The following RALGAPA2 variants were observed in gnomAD, a reference collection of about 807,000 sequenced individuals.
RALGAPA2 encodes ral GTPase-activating protein subunit alpha-2.
Under a neutral mutation model 230.4 loss-of-function variants are expected in RALGAPA2, and 139 were observed. The observed-to-expected ratio is 0.60, with a 90% CI of 0.53 to 0.69. The LOEUF is 0.69. RALGAPA2 is among the 30% of genes least tolerant of loss of function. RALGAPA2 has a pLI of 0.00. For synonymous variants in RALGAPA2, 847 were observed against 837.8 expected, an observed-to-expected ratio of 1.01 and a Z score of -0.19; for missense variants, 2,163 against 2,276.0, an observed-to-expected ratio of 0.95 and a Z score of 1.01.
chr20:20,526,710 C>A (rs948353757), intron 27 of RALGAPA2, among the ~76,000 whole-genome samples: 1 of 152,216 alleles, frequency 6.6e-6, no homozygotes, highest in Admixed American at 6.5e-5. Context: ...CCCCCATACA[C>A]TGAACCTTTT....
intron 37 of RALGAPA2, among the ~76,000 whole-genome samples, chr20:20,434,829 G>C (rs1401442245): frequency 6.6e-6 from 1 of 152,142 alleles, no homozygotes; most frequent in Non-Finnish European, 1.5e-5. Context: ...TTGGTTACTT[G>C]GGAGGATGAG....
intron 3 of RALGAPA2, 65 bp from the exon 4 acceptor site, chr20:20,653,652 A>G: frequency 1.1e-6 from 1 of 947,938 alleles, no homozygotes; most frequent in Non-Finnish European, 1.6e-6. Context: ...TGACAGGCCC[A>G]TATTACTCAC....
chr20:20,555,454 A>G (rs1271943294), intron 23 of RALGAPA2, among the ~76,000 whole-genome samples: 1 of 152,224 alleles, frequency 6.6e-6, no homozygotes, highest in African/African-American at 2.4e-5. Context: ...CATTTCTGCA[A>G]AAACCACCAT....
Position 20,476,674 on chromosome 20 carries a change from A to AAAATAAATAAAT in RALGAPA2, c.5368-3730_5368-3719dup, listed in dbSNP as rs557603048. Among the ~76,000 whole-genome samples, 820 of 139,440 alleles carry AAAATAAATAAAT rather than the reference A, an allele frequency of 5.9e-3. 4 individuals are homozygous for AAAATAAATAAAT. The highest frequency in any genetic ancestry group is 7.9e-3 in the East Asian group (38 of 4,804). 91.5% of individuals were successfully genotyped at this position (139,440 alleles called of 152,430 possible). Reference sequence around the variant, plus strand: ...TTAGGGTACAAAAGGCATAAATCATAAAATAAATAAATAAATAAATAAATA... The same window carrying AAAATAAATAAAT: ...TTAGGGTACAAAAGGCATAAATCATAAAATAAATAAATAAATAAATAAATAAATAAATAAATA... On this transcript the variant is annotated intron_variant, in intron 36 of 39. Coordinates refer to ENST00000202677, the MANE Select transcript of RALGAPA2 (RefSeq NM_020343.4).
intron 13 of RALGAPA2, among the ~76,000 whole-genome samples, chr20:20,615,236 C>G (rs952357315): frequency 5.9e-5 from 9 of 151,334 alleles, no homozygotes; most frequent in Admixed American, 2.6e-4. Context: ...CGCAATCTCA[C>G]TGCAACCTCC....
chr20:20,594,684 T>C (rs1178324253), intron 16 of RALGAPA2, among the ~76,000 whole-genome samples: 1 of 152,094 alleles, frequency 6.6e-6, no homozygotes, highest in Non-Finnish European at 1.5e-5. Flanking sequence ...TTCTCGTCTC[T>C]TGACAGTGTA....
chr20:20,496,844 A>G (rs868521667), intron 35 of RALGAPA2, among the ~76,000 whole-genome samples: 2 of 152,304 alleles, frequency 1.3e-5, no homozygotes, highest in Middle Eastern at 3.4e-3. Context: ...TCACTCTCTC[A>G]TACTTCTGGG....
chr20:20,397,140 C>A (rs2059734947), intron 38 of RALGAPA2, among the ~76,000 whole-genome samples: 1 of 152,216 alleles, frequency 6.6e-6, no homozygotes. Flanking sequence ...ATTTGAAATT[C>A]AATGGATGAC....
intron 1 of RALGAPA2, among the ~76,000 whole-genome samples, chr20:20,697,438 T>C (rs1362142795): frequency 6.6e-6 from 1 of 152,240 alleles, no homozygotes; most frequent in Non-Finnish European, 1.5e-5. Context: ...CAATGTTTTA[T>C]GATTATTAGC....
At chr20:20,484,594 A>C (rs1490018510) in intron 36 of RALGAPA2, among the ~76,000 whole-genome samples, 1 of 152,212 alleles carries the variant, frequency 6.6e-6, no homozygotes, top group African/African-American at 2.4e-5. Context: ...AATATATTTT[A>C]AAGATGGTTC....
In RALGAPA2 at chr20:20,712,223, G is replaced by A. The variant is rs1226454780; in HGVS notation, c.106+152C>T. On this transcript the variant is annotated intron_variant, in intron 1 of 39. Transcript: ENST00000202677. This position sits in a 1 kb window ranked among gnomAD's most constrained non-coding sequence, Gnocchi z 5.5. ...TGCGGCTTTCTGGAAACAAAGCCCC[G>A]GGGGTCCAAGCCCAGATCCAGGGAA... Among the ~76,000 whole-genome samples, 5 of 152,082 alleles carry A rather than the reference G, an allele frequency of 3.3e-5. No homozygotes were observed. Among genetic ancestry groups the A allele is most frequent in the East Asian group, 1.9e-4 (1 of 5,146 alleles).
At chr20:20,412,695 T>G (rs932140698) in intron 37 of RALGAPA2, among the ~76,000 whole-genome samples, 18 of 151,930 alleles carry the variant, frequency 1.2e-4, no homozygotes, top group Admixed American at 1.0e-3. Context: ...CATTGGAAAA[T>G]AAGAACTACT....
chr20:20,437,992 G>A lies in RALGAPA2; in HGVS notation c.5496-25844C>T, dbSNP rs770046645. On this transcript the variant is annotated intron_variant, in intron 37 of 39. Transcript: ENST00000202677. This position sits in a 1 kb window ranked among gnomAD's most constrained non-coding sequence, Gnocchi z 4.1. ...TGACTCCGTGGTTCTTATGAATCCC[G>A]CAAAGAGTGGTTCTTAATATGGGTC... Among the ~76,000 whole-genome samples the A allele has an allele frequency of 9.2e-5, 14 of 151,886 alleles. No individual in the cohort carries two copies. The highest frequency in any genetic ancestry group is 2.1e-4 in the South Asian group (1 of 4,826).
chr20:20,541,077 C>T (rs1248507194), intron 24 of RALGAPA2, among the ~76,000 whole-genome samples: 5 of 98,984 alleles, frequency 5.1e-5, no homozygotes, highest in African/African-American at 2.0e-4. Flanking sequence ...TTTTTTTTTA[C>T]GTATACAAGA....
intron 35 of RALGAPA2, among the ~76,000 whole-genome samples, chr20:20,499,641 G>A (rs1333710688): frequency 6.6e-6 from 1 of 152,166 alleles, no homozygotes; most frequent in Non-Finnish European, 1.5e-5. Flanking sequence ...AGACGTGTGG[G>A]AACCAGCACG....
chr20:20,511,105 G>T, intron 33 of RALGAPA2, 149 bp downstream of exon 33: 1 of 1,303,710 alleles, frequency 7.7e-7, no homozygotes. Context: ...AACACCAACG[G>T]TATGGCATGC....
chr20:20,687,550 T>G (rs1188237315), intron 1 of RALGAPA2, among the ~76,000 whole-genome samples: 1 of 151,928 alleles, frequency 6.6e-6, no homozygotes, highest in Non-Finnish European at 1.5e-5. Context: ...AGAAAATTCA[T>G]GAAAAGCTGA....
At chr20:20,693,120 T>G (rs1383135032) in intron 1 of RALGAPA2, among the ~76,000 whole-genome samples, 1 of 152,318 alleles carries the variant, frequency 6.6e-6, no homozygotes, top group Admixed American at 6.5e-5. Flanking sequence ...GAACATCAAA[T>G]TCTTAGAAAT....
At chr20:20,688,920 T>A (rs757513614) in intron 1 of RALGAPA2, among the ~76,000 whole-genome samples, 9 of 152,202 alleles carry the variant, frequency 5.9e-5, no homozygotes, top group Admixed American at 3.9e-4. Flanking sequence ...ATACAGATGA[T>A]AAATTACTAA....
Sources: gnomAD v4.1 joint callset for allele counts (sites outside exome capture counted in the v4.1 genomes callset) on GRCh38, gnomAD v4.1.1 for gene constraint, Gnocchi (gnomAD v3.1) non-coding constraint, MANE v1.5 for transcripts, NCBI Gene and HGNC (gene_info 2026-07-23, HGNC 2026-07-21) for gene names.